The following GLIS3 variants were observed in gnomAD, a reference collection of about 807,000 sequenced individuals.
GLIS3 encodes GLIS family zinc finger 3.
In GLIS3, 53 loss-of-function variants were observed where a neutral mutation model predicts 78.6. The observed-to-expected ratio is 0.67, with a 90% CI of 0.54 to 0.85. GLIS3 has a LOEUF of 0.85. Among genes scored for constraint, GLIS3 ranks in the 40% least tolerant of loss-of-function variants. The pLI is 0.00. For synonymous variants in GLIS3, 684 were observed against 509.9 expected (o/e 1.34, Z -4.60); for missense variants, 1,703 against 1,231.1 (o/e 1.38, Z -5.74).
intron 4 of GLIS3, chr9:3,975,344 A>G (rs565257574): frequency 6.6e-6 from 1 of 152,282 alleles, no homozygotes; most frequent in East Asian, 1.9e-4. Flanking sequence ...TTATTGGAAG[A>G]GGGCATGGTG....
chr9:4,268,250 T>A (rs1003839181), intron 2 of GLIS3, among the ~76,000 whole-genome samples: 1 of 151,702 alleles, frequency 6.6e-6, no homozygotes, highest in Non-Finnish European at 1.5e-5. Context: ...ACAACTAACA[T>A]AATGGTACCC....
chr9:4,402,105 A>G, the GLIS3 span, among the ~76,000 whole-genome samples: 1 of 152,112 alleles, frequency 6.6e-6, no homozygotes, highest in Non-Finnish European at 1.5e-5. Context: ...ACCCAGTACT[A>G]TGTTGGCTTC....
intron 2 of GLIS3, among the ~76,000 whole-genome samples, chr9:4,202,158 T>TC (rs1819461353): frequency 6.8e-6 from 1 of 147,106 alleles, no homozygotes; most frequent in South Asian, 2.2e-4. Context: ...TTTTCTTTTT[T>TC]TTTTTTTTTT....
At chr9:4,131,327 T>C (rs999871093) in intron 2 of GLIS3, among the ~76,000 whole-genome samples, 19 of 152,306 alleles carry the variant, frequency 1.2e-4, no homozygotes, top group African/African-American at 4.3e-4. Flanking sequence ...TTTGCAATGT[T>C]TGAGGACATG....
intron 2 of GLIS3, chr9:4,285,828 A>G (rs762680720): frequency 3.2e-6 from 2 of 615,546 alleles, no homozygotes; most frequent in Admixed American, 2.7e-5. Flanking sequence ...GTCCCAGGAG[A>G]TGTCTCATAC....
At chr9:4,144,535 G>C (rs1182778839) in intron 2 of GLIS3, among the ~76,000 whole-genome samples, 2 of 152,164 alleles carry the variant, frequency 1.3e-5, no homozygotes, top group African/African-American at 4.8e-5. Context: ...GAGCTCATTG[G>C]ACTCTACATG....
chr9:4,288,373 T>C (rs544956956), intron 1 of GLIS3, among the ~76,000 whole-genome samples: 31 of 152,326 alleles, frequency 2.0e-4, no homozygotes, highest in African/African-American at 7.0e-4. Context: ...GCAACTTTTT[T>C]AAAATAAAGA....
chr9:3,963,740 T>G (rs901238430), intron 4 of GLIS3, among the ~76,000 whole-genome samples: 10 of 152,172 alleles, frequency 6.6e-5, no homozygotes, highest in African/African-American at 1.7e-4. Context: ...CAATCCAGAT[T>G]GATAATCTTA....
intron 1 of GLIS3, among the ~76,000 whole-genome samples, chr9:4,294,493 G>A (rs910447753): frequency 6.6e-6 from 1 of 150,578 alleles, no homozygotes; most frequent in Non-Finnish European, 1.5e-5. Context: ...TGGGCAGCAA[G>A]AGCGAAATTA....
At chr9:3,953,783 C>CTCTG (rs1260963092) in intron 4 of GLIS3, among the ~76,000 whole-genome samples, 2 of 40,690 alleles carry the variant, frequency 4.9e-5, no homozygotes, top group African/African-American at 1.8e-4. Flanking sequence ...CTCTCTCTCT[C>CTCTG]TCTCTCTCTC....
chr9:4,019,853 C>T (rs938913712), intron 4 of GLIS3, among the ~76,000 whole-genome samples: 2 of 152,156 alleles, frequency 1.3e-5, no homozygotes, highest in Non-Finnish European at 2.9e-5. Context: ...CTGCCTCAGG[C>T]CACCACGAGT....
intron 4 of GLIS3, 72 bp from the exon 5 acceptor site, chr9:3,937,261 A>AG: frequency 6.6e-7 from 1 of 1,515,110 alleles, no homozygotes; most frequent in East Asian, 2.3e-5. Flanking sequence ...CAGCTAAAAA[A>AG]AAAATGTTCT....
intron 4 of GLIS3, among the ~76,000 whole-genome samples, chr9:3,996,887 G>A (rs1820784393): frequency 6.6e-6 from 1 of 152,142 alleles, no homozygotes; most frequent in Non-Finnish European, 1.5e-5. Flanking sequence ...GTAAATAAAT[G>A]TATGTCAATA....
chr9:4,351,069 T>C (rs945485239), upstream of GLIS3, among the ~76,000 whole-genome samples: 13 of 152,136 alleles, frequency 8.5e-5, no homozygotes, highest in Non-Finnish European at 1.6e-4. Flanking sequence ...CTCTGTATAA[T>C]AATCCATTTC....
At chr9:3,930,742 G>T (rs1237363822) in intron 6 of GLIS3, among the ~76,000 whole-genome samples, 1 of 152,192 alleles carries the variant, frequency 6.6e-6, no homozygotes, top group East Asian at 1.9e-4. Flanking sequence ...GTTAATGATA[G>T]ATTTACTATT....
At chr9:4,427,179 C>T in the GLIS3 span, among the ~76,000 whole-genome samples, 1 of 152,248 alleles carries the variant, frequency 6.6e-6, no homozygotes, top group African/African-American at 2.4e-5. Context: ...AAGTTGGATG[C>T]TCCATTGAGA....
chr9:4,268,821 G>A (rs1028843187), intron 2 of GLIS3, among the ~76,000 whole-genome samples: 6 of 152,198 alleles, frequency 3.9e-5, no homozygotes, highest in African/African-American at 1.4e-4. Flanking sequence ...TCAGCTCTGG[G>A]TCCCAGCTCC....
At chr9:4,419,059 A>G in the GLIS3 span, among the ~76,000 whole-genome samples, 3 of 152,244 alleles carry the variant, frequency 2.0e-5, no homozygotes, top group South Asian at 6.2e-4. Flanking sequence ...AAAATCCAAT[A>G]AATTACAAAA....
intron 4 of GLIS3, among the ~76,000 whole-genome samples, chr9:4,051,053 A>T (rs1249414063): frequency 2.6e-5 from 4 of 152,228 alleles, no homozygotes; most frequent in Non-Finnish European, 5.9e-5. Flanking sequence ...CATGTTTCAG[A>T]GGACTGTCTG....
Sources: allele counts gnomAD v4.1 joint callset (sites outside exome capture counted in the v4.1 genomes callset), GRCh38; gene constraint gnomAD v4.1.1; transcripts MANE v1.5; gene names NCBI Gene and HGNC (gene_info 2026-07-23, HGNC 2026-07-21).